The following ANGPT2 variants were observed in gnomAD, a reference collection of about 807,000 sequenced individuals.
ANGPT2 encodes angiopoietin-2.
In ANGPT2, 28 loss-of-function variants were observed where a neutral mutation model predicts 62.9. The ratio of observed to expected loss-of-function variants is 0.44; its 90% CI spans 0.33 to 0.61. ANGPT2 has a LOEUF of 0.61. Among genes scored for constraint, ANGPT2 ranks in the 20% least tolerant of loss-of-function variants. The pLI, the probability that ANGPT2 is intolerant of heterozygous loss-of-function variation, is 0.03. For missense variants in ANGPT2, 727 were observed against 594.9 expected, an observed-to-expected ratio of 1.22 and a Z score of -2.31; for synonymous variants, 284 against 207.8, an observed-to-expected ratio of 1.37 and a Z score of -3.15.
chr8:6,521,492 G>C, intron 3 of ANGPT2, 82 bp from the exon 4 acceptor site: 1 of 1,018,760 alleles, frequency 9.8e-7, no homozygotes, highest in Non-Finnish European at 1.4e-6. Flanking sequence ...CTTCTCCAAG[G>C]TACTCTGTTA....
rs1811788141 is a variant in ANGPT2, at chr8:6,499,758, A to G, written c.*3343T>C. On this transcript the variant is annotated 3_prime_UTR_variant, in exon 9 of 9. Transcript: ENST00000629816. ...CATCTATTTCAGATCTGCGGAGTGT[A>G]TCACTTTTTGCTGTGTCTTCAAAGT... is the stretch of plus-strand genomic sequence containing the variant. The G allele has an allele frequency of 9.6e-7, 1 of 1,041,030 alleles. No homozygotes were observed. Among genetic ancestry groups the G allele is most frequent in the African/African-American group, 1.6e-5 (1 of 64,032 alleles). 64.5% of individuals were successfully genotyped at this position (1,041,030 alleles called of 1,614,324 possible).
At chr8:6,514,857 A>C in intron 5 of ANGPT2, 79 bp from the exon 6 acceptor site, 1 of 1,251,122 alleles carries the variant, frequency 8.0e-7, no homozygotes, top group Non-Finnish European at 1.2e-6. Context: ...AGGAATGTAG[A>C]CCCTGAGTGC....
At chr8:6,516,790 A>C (rs1409884242) in intron 5 of ANGPT2, among the ~76,000 whole-genome samples, 1 of 152,188 alleles carries the variant, frequency 6.6e-6, no homozygotes, top group African/African-American at 2.4e-5. Flanking sequence ...TTCAGTGTCA[A>C]AATTACTGCT....
chr8:6,546,251 A>G (rs1354551279), intron 1 of ANGPT2, among the ~76,000 whole-genome samples: 2 of 152,264 alleles, frequency 1.3e-5, no homozygotes, highest in African/African-American at 4.8e-5. Context: ...GACAGTCTGA[A>G]TATTCAAGGG....
intron 2 of ANGPT2, among the ~76,000 whole-genome samples, chr8:6,531,732 T>C (rs999443350): frequency 3.9e-5 from 6 of 152,180 alleles, no homozygotes; most frequent in South Asian, 2.1e-4. Context: ...GAGTGCCTCA[T>C]TGTGATGCAT....
Position 6,562,911 on chromosome 8 carries a change from A to G in ANGPT2, c.24T>C (p.Thr8=). MWQIVFF[T]LSCDLVLAAA... The stretch of plus-strand genomic sequence containing the variant: ...CGGCCAAGACAAGATCACAGCTCAG[A>G]GTAAAGAAAACAATCTGCCACATTC... Residue 8 remains threonine (T), a synonymous_variant, in exon 1 of 9, where the codon ACT becomes ACC. Coordinates refer to ENST00000629816, the MANE Select transcript of ANGPT2 (RefSeq NM_001118887.2). 6.3e-7 allele frequency: 1 copy of G among 1,594,960 alleles called. No homozygotes were observed. Among genetic ancestry groups the G allele is most frequent in the Non-Finnish European group, 8.6e-7 (1 of 1,164,494 alleles).
chr8:6,537,089 A>C (rs1022141705), intron 1 of ANGPT2, among the ~76,000 whole-genome samples: 1 of 152,036 alleles, frequency 6.6e-6, no homozygotes, highest in Non-Finnish European at 1.5e-5. Context: ...AACTGCTCTC[A>C]TCAAAACAGT....
intron 3 of ANGPT2, among the ~76,000 whole-genome samples, chr8:6,526,842 G>C (rs1020647934): frequency 1.3e-5 from 2 of 152,086 alleles, no homozygotes; most frequent in Admixed American, 6.5e-5. Context: ...GTCCCAAGTG[G>C]AACAGACATA....
intron 2 of ANGPT2, 149 bp from the exon 3 acceptor site, chr8:6,527,825 T>C (rs1040005849): frequency 7.6e-5 from 60 of 793,496 alleles, no homozygotes; most frequent in Non-Finnish European, 1.1e-4. Flanking sequence ...ATATTTTTCA[T>C]TTTCAGAAAA....
chr8:6,547,065 G>T (rs1411259929), intron 1 of ANGPT2, among the ~76,000 whole-genome samples: 1 of 152,070 alleles, frequency 6.6e-6, no homozygotes, highest in Non-Finnish European at 1.5e-5. Context: ...TACCGTGGTT[G>T]CCTTCGGGCT....
intron 1 of ANGPT2, among the ~76,000 whole-genome samples, chr8:6,543,867 C>T (rs1309476327): frequency 6.6e-6 from 1 of 152,138 alleles, no homozygotes; most frequent in Non-Finnish European, 1.5e-5. Context: ...TGTACATCTG[C>T]CTGGGCTTTG....
intron 1 of ANGPT2, among the ~76,000 whole-genome samples, chr8:6,555,913 T>G (rs1824531646): frequency 6.6e-6 from 1 of 152,308 alleles, no homozygotes; most frequent in Middle Eastern, 3.4e-3. Context: ...CCTAGCAGCT[T>G]CAGCACCATC....
intron 1 of ANGPT2, among the ~76,000 whole-genome samples, chr8:6,556,086 G>A (rs932109258): frequency 1.3e-5 from 2 of 152,106 alleles, no homozygotes; most frequent in Non-Finnish European, 2.9e-5. Context: ...CCCAGTGGGC[G>A]AGAATTGCTG....
chr8:6,538,692 G>A (rs1801083041), intron 1 of ANGPT2, among the ~76,000 whole-genome samples: 1 of 152,120 alleles, frequency 6.6e-6, no homozygotes, highest in South Asian at 2.1e-4. Context: ...GTTTCCTTTT[G>A]ATATCAAAAC....
intron 7 of ANGPT2, among the ~76,000 whole-genome samples, chr8:6,513,130 A>C (rs991172393): frequency 1.3e-5 from 2 of 152,212 alleles, no homozygotes; most frequent in Admixed American, 6.5e-5. Flanking sequence ...GAGTTCTTCT[A>C]GGCTTTGAAG....
Position 6,500,258 on chromosome 8 carries a change from A to G in ANGPT2, c.*2843T>C, listed in dbSNP as rs1811892163. ...CTTGCTTAATGTTTTTACTGTTAAT[A>G]GAAATAGAACTGATAGGTATAAAGA... On this transcript the variant is annotated 3_prime_UTR_variant, in exon 9 of 9. Transcript: ENST00000629816. 9.0e-6 allele frequency: 3 copies of G among 333,244 alleles called. No individual in the cohort carries two copies. The highest frequency in any genetic ancestry group is 1.7e-5 in the Non-Finnish European group (3 of 173,272). The allele number at this position is 333,244 out of a possible 1,614,324, so 20.6% of individuals were successfully genotyped here.
chr8:6,552,763 C>G (rs1823878507), intron 1 of ANGPT2, among the ~76,000 whole-genome samples: 1 of 151,676 alleles, frequency 6.6e-6, no homozygotes, highest in Non-Finnish European at 1.5e-5. Context: ...ATTGTTTCGG[C>G]CAGTTAATTA....
chr8:6,551,194 G>C (rs1202753784), intron 1 of ANGPT2, among the ~76,000 whole-genome samples: 4 of 152,062 alleles, frequency 2.6e-5, no homozygotes, highest in Non-Finnish European at 4.4e-5. Context: ...ATAGAGAAAG[G>C]GTCCTAGTTA....
chr8:6,551,964 C>G (rs1823727141), intron 1 of ANGPT2, among the ~76,000 whole-genome samples: 2 of 152,300 alleles, frequency 1.3e-5, no homozygotes, highest in South Asian at 2.1e-4. Context: ...AACTCTAATA[C>G]TTCAACTATC....
Sources: gnomAD v4.1 joint callset for allele counts (sites outside exome capture counted in the v4.1 genomes callset) on GRCh38, gnomAD v4.1.1 for gene constraint, MANE v1.5 for transcripts, NCBI Gene and HGNC (gene_info 2026-07-23, HGNC 2026-07-21) for gene names.